MGST1: variants seen among roughly 807,000 people sequenced by gnomAD.
MGST1 encodes the protein microsomal glutathione S-transferase 1.
MGST1 carries 5 observed loss-of-function variants against 8.9 expected under a neutral mutation model. That is an observed-to-expected ratio of 0.56 (90% CI 0.29 to 1.19). The LOEUF (loss-of-function observed/expected upper bound fraction) is 1.19, where lower values mean the gene tolerates loss of function less well. Among genes scored for constraint, MGST1 ranks in the 50% most tolerant of loss-of-function variants. The pLI is 0.08. For synonymous variants in MGST1, 54 were observed against 67.8 expected (o/e 0.80, Z 1.00); for missense variants, 182 against 187.4 (o/e 0.97, Z 0.17).
intron 4 of MGST1, among the ~76,000 whole-genome samples, chr12:16,501,970 T>C (rs1941508121): frequency 6.6e-6 from 1 of 152,140 alleles, no homozygotes. Flanking sequence ...GTACAAATAA[T>C]AAACTTTATC....
At chr12:16,427,616 A>C (rs1249018330) in intron 1 of MGST1, among the ~76,000 whole-genome samples, 1 of 152,134 alleles carries the variant, frequency 6.6e-6, no homozygotes, top group Non-Finnish European at 1.5e-5. Context: ...TTCTGGCCTC[A>C]AGTGATCCGC....
intron 4 of MGST1, among the ~76,000 whole-genome samples, chr12:16,510,629 G>A (rs897827606): frequency 5.9e-5 from 9 of 152,148 alleles, no homozygotes; most frequent in Non-Finnish European, 8.8e-5. Context: ...AATAGTATAA[G>A]TTTCTCATAT....
downstream of MGST1, among the ~76,000 whole-genome samples, chr12:16,379,265 T>C (rs991315666): frequency 3.3e-5 from 5 of 152,230 alleles, no homozygotes; most frequent in Admixed American, 2.0e-4. Flanking sequence ...GTCCATTCAG[T>C]ATGATATTCG....
chr12:16,455,298 G>A (rs1405995558), intron 4 of MGST1, among the ~76,000 whole-genome samples: 5 of 151,858 alleles, frequency 3.3e-5, no homozygotes, highest in Admixed American at 6.6e-5. Flanking sequence ...TATGATATGA[G>A]TACTATTTTG....
rs1940755518 is a variant in MGST1 at position 16,413,014 on chromosome 12, A to G, written n.779-24374A>G. Among the ~76,000 whole-genome samples the G allele has an allele frequency of 6.6e-6, 1 of 152,198 alleles. No homozygotes were observed. Among genetic ancestry groups the G allele is most frequent in the African/African-American group, 2.4e-5 (1 of 41,452 alleles). ...AGATAATATGTCATAATAATAAGCC[A>G]GAAAGAGAGTAGGGAACTCCTCAGT... is the stretch of plus-strand genomic sequence containing the variant. On this transcript the variant is annotated intron_variant and non_coding_transcript_variant, in intron 1 of 1. Transcript: ENST00000359720. The surrounding 1 kb of genome is among the most constrained non-coding windows in gnomAD (Gnocchi z 4.0).
At chr12:16,409,770 T>A (rs1276517256) in intron 1 of MGST1, among the ~76,000 whole-genome samples, 2 of 152,076 alleles carry the variant, frequency 1.3e-5, no homozygotes, top group African/African-American at 4.8e-5. Flanking sequence ...AATGTAAAAA[T>A]ATTCACAGAA....
intron 1 of MGST1, among the ~76,000 whole-genome samples, chr12:16,349,572 C>A (rs936523442): frequency 2.0e-5 from 3 of 152,058 alleles, no homozygotes; most frequent in African/African-American, 7.2e-5. Context: ...TCCTTACATA[C>A]TAAAGGTAGA....
intron 4 of MGST1, among the ~76,000 whole-genome samples, chr12:16,483,822 A>G (rs1490805560): frequency 1.3e-5 from 2 of 152,228 alleles, no homozygotes; most frequent in African/African-American, 4.8e-5. Flanking sequence ...TTTGGGTACT[A>G]TAATTTTCCT....
intron 1 of MGST1, among the ~76,000 whole-genome samples, chr12:16,392,859 C>CTA (rs1338067553): frequency 6.6e-6 from 1 of 151,966 alleles, no homozygotes; most frequent in Non-Finnish European, 1.5e-5. Context: ...ATATAACTGT[C>CTA]TATATCTATT....
exon 2 of MGST1, chr12:16,437,447 C>T (rs909032714): frequency 6.6e-6 from 1 of 151,914 alleles, no homozygotes; most frequent in African/African-American, 2.4e-5. Context: ...GGTTCAGTGG[C>T]TTCCAGGAAT....
intron 1 of MGST1, among the ~76,000 whole-genome samples, chr12:16,406,616 A>G (rs1223727214): frequency 6.6e-6 from 1 of 152,246 alleles, no homozygotes; most frequent in Non-Finnish European, 1.5e-5. Context: ...AGGCAATCCT[A>G]AGCAAAAAGC....
At chr12:16,536,408 T>A (rs1941757243) in intron 4 of MGST1, among the ~76,000 whole-genome samples, 1 of 152,122 alleles carries the variant, frequency 6.6e-6, no homozygotes, top group African/African-American at 2.4e-5. Context: ...CAGTAGTCTT[T>A]TAGAAGAACA....
chr12:16,370,772 T>G (rs569055480), intron 3 of MGST1, among the ~76,000 whole-genome samples: 1 of 152,258 alleles, frequency 6.6e-6, no homozygotes, highest in South Asian at 2.1e-4. Context: ...ACTAGAACAA[T>G]TTTTGAAATA....
intron 4 of MGST1, among the ~76,000 whole-genome samples, chr12:16,459,932 T>G (rs1247100009): frequency 2.6e-5 from 4 of 152,196 alleles, no homozygotes; most frequent in African/African-American, 9.6e-5. Flanking sequence ...AAAAGGCATA[T>G]TTTAGAAATC....
intron 4 of MGST1, among the ~76,000 whole-genome samples, chr12:16,523,123 A>G (rs916628930): frequency 6.6e-6 from 1 of 152,122 alleles, no homozygotes; most frequent in Non-Finnish European, 1.5e-5. Flanking sequence ...TGAATTTAAC[A>G]TTAAAACAAT....
At chr12:16,416,029 T>G (rs1228465852) in intron 1 of MGST1, among the ~76,000 whole-genome samples, 2 of 152,220 alleles carry the variant, frequency 1.3e-5, no homozygotes, top group African/African-American at 2.4e-5. Context: ...CCTTTTCATG[T>G]GCATTTGTAT....
intron 4 of MGST1, among the ~76,000 whole-genome samples, chr12:16,499,065 A>G (rs567189169): frequency 1.3e-5 from 2 of 152,284 alleles, no homozygotes; most frequent in South Asian, 4.1e-4. Context: ...TACTTCATGA[A>G]AAGTAATTGA....
intron 4 of MGST1, among the ~76,000 whole-genome samples, chr12:16,524,447 A>G (rs962142557): frequency 1.3e-5 from 2 of 152,032 alleles, no homozygotes; most frequent in Admixed American, 6.6e-5. Flanking sequence ...AGGTTCAAGG[A>G]AAATATTGAG....
At chr12:16,438,739 G>A (rs149554152) in exon 2 of MGST1, 1 of 151,776 alleles carries the variant, frequency 6.6e-6, no homozygotes, top group East Asian at 1.9e-4. Context: ...CTATAAACTC[G>A]ATTTTTGTGG....
Sources: allele counts gnomAD v4.1 joint callset (sites outside exome capture counted in the v4.1 genomes callset), GRCh38; gene constraint gnomAD v4.1.1; non-coding constraint Gnocchi (gnomAD v3.1); transcripts MANE v1.5; gene names NCBI Gene and HGNC (gene_info 2026-07-23, HGNC 2026-07-21).